Variants in MICAL2 observed in about 807,000 individuals in gnomAD.
The protein encoded by MICAL2 is microtubule associated monooxygenase, calponin and LIM domain containing 2.
Under a neutral mutation model 127.3 loss-of-function variants are expected in MICAL2, and 77 were observed. The observed-to-expected ratio is 0.60, with a 90% CI of 0.50 to 0.73. The LOEUF is 0.73. Among genes scored for constraint, MICAL2 ranks in the 30% least tolerant of loss-of-function variants. MICAL2 has a pLI of 0.00. For missense variants in MICAL2, 1,351 were observed against 1,434.4 expected (o/e 0.94, Z 0.94); for synonymous variants, 570 against 551.1 (o/e 1.03, Z -0.48).
chr11:12,136,371 C>G (rs1851837492), intron 1 of MICAL2, among the ~76,000 whole-genome samples: 1 of 152,210 alleles, frequency 6.6e-6, no homozygotes, highest in Non-Finnish European at 1.5e-5. Context: ...TGCCATGCCT[C>G]AGTTTCCCCC....
At chr11:12,145,700 C>T (rs1852825334) in intron 2 of MICAL2, among the ~76,000 whole-genome samples, 1 of 152,212 alleles carries the variant, frequency 6.6e-6, no homozygotes, top group African/African-American at 2.4e-5. Flanking sequence ...ATTTCTGACT[C>T]AGGCAGGGCT....
At chr11:12,125,211 G>T (rs928600683) in intron 1 of MICAL2, among the ~76,000 whole-genome samples, 7 of 152,344 alleles carry the variant, frequency 4.6e-5, no homozygotes, top group African/African-American at 1.7e-4. Flanking sequence ...TCACCCATGT[G>T]TTCTCCAGAA....
intron 2 of MICAL2, among the ~76,000 whole-genome samples, chr11:12,285,344 T>G (rs1371724440): frequency 6.6e-6 from 1 of 152,200 alleles, no homozygotes; most frequent in Non-Finnish European, 1.5e-5. Flanking sequence ...ATCTTGCAAC[T>G]TCCAGCTGCA....
At chr11:12,340,579 T>A (rs918433331) in intron 32 of MICAL2, among the ~76,000 whole-genome samples, 20 of 152,156 alleles carry the variant, frequency 1.3e-4, no homozygotes, top group African/African-American at 4.8e-4. Context: ...AAAAGACACA[T>A]ACAAGAATGC....
At position 12,162,215 on chromosome 11, in the gene MICAL2, C is replaced by T. The variant is rs925113260; in HGVS notation, c.60C>T (p.Val20=). The T allele has an allele frequency of 1.9e-6, 3 of 1,614,070 alleles. No homozygotes were observed. Among genetic ancestry groups the T allele is most frequent in the African/African-American group, 2.7e-5 (2 of 74,930 alleles). ...AQAGQVFENF[V]QASTCKGTLQ... The stretch of plus-strand genomic sequence containing the variant: ...CGGGGCAGGTTTTTGAGAACTTTGT[C>T]CAGGCATCCACGTGCAAAGGTACCC... Residue 20 remains valine, a synonymous_variant, in exon 3 of 28, where the codon GTC becomes GTT. Coordinates refer to ENST00000683283, the MANE Select transcript of MICAL2 (RefSeq NM_001282663.2).
chr11:12,210,220 G>A (rs1157434479), intron 6 of MICAL2, among the ~76,000 whole-genome samples: 1 of 152,126 alleles, frequency 6.6e-6, no homozygotes, highest in African/African-American at 2.4e-5. Flanking sequence ...CTGTCAGTTT[G>A]TGAGAGAAAC....
Position 12,223,371 on chromosome 11 carries a change from G to T in MICAL2, c.1450-40G>T, listed in dbSNP as rs760006089. 6 of 1,573,528 alleles carry T rather than the reference G, an allele frequency of 3.8e-6. No homozygotes were observed. The South Asian group carries it at 6.7e-5, about 17-fold the overall frequency. ...TTAGGGGCCCTGAGACTAGGATTTG[G>T]GGGAAAACTGGTGGGCAAGCATGTC... On this transcript the variant is annotated intron_variant, in intron 11 of 27. Transcript: ENST00000683283.
chr11:12,294,134 G>A, downstream of MICAL2: 1 of 1,613,924 alleles, frequency 6.2e-7, no homozygotes, highest in Non-Finnish European at 8.5e-7. Context: ...GCTCCCTAGG[G>A]CAGCAGGAGA....
At chr11:12,129,208 G>T (rs1397539726) in intron 1 of MICAL2, among the ~76,000 whole-genome samples, 1 of 152,188 alleles carries the variant, frequency 6.6e-6, no homozygotes, top group African/African-American at 2.4e-5. Flanking sequence ...GCCAAAAGAA[G>T]TGATTCTTGG....
intron 32 of MICAL2, among the ~76,000 whole-genome samples, chr11:12,344,823 T>A (rs545830689): frequency 2.4e-4 from 36 of 147,978 alleles, no homozygotes; most frequent in Non-Finnish European, 4.0e-4. Context: ...TCAAAGAAAT[T>A]GTGGACCAGG....
intron 15 of MICAL2, among the ~76,000 whole-genome samples, chr11:12,229,933 C>G (rs193143471): frequency 6.6e-6 from 1 of 152,342 alleles, no homozygotes; most frequent in African/African-American, 2.4e-5. Context: ...TCTACCCCAT[C>G]TTTGGATAGG....
intron 1 of MICAL2, among the ~76,000 whole-genome samples, chr11:12,112,840 A>C (rs1288501999): frequency 6.6e-6 from 1 of 152,178 alleles, no homozygotes; most frequent in Non-Finnish European, 1.5e-5. Context: ...GGCTGTGGCC[A>C]TTGGAGGCCC....
rs114029559 is a variant in MICAL2 at position 12,193,843 on chromosome 11, G to A, written c.265-10407G>A. Among the ~76,000 whole-genome samples, 1,000 of 152,364 alleles carry A rather than the reference G, an allele frequency of 6.6e-3. 8 individuals carry two copies. Among genetic ancestry groups the A allele is most frequent in the African/African-American group, 0.023 (957 of 41,586 alleles). On this transcript the variant is annotated intron_variant, in intron 3 of 27. Coordinates refer to ENST00000683283, the MANE Select transcript of MICAL2 (RefSeq NM_001282663.2). ...GTTTTGTTATCTGGGCTTGTTGTGA[G>A]ATTTGAATGAACTGATACATGTGAC...
intron 15 of MICAL2, among the ~76,000 whole-genome samples, chr11:12,230,987 T>C (rs868228606): frequency 6.6e-5 from 10 of 152,194 alleles, no homozygotes; most frequent in Admixed American, 2.0e-4. Flanking sequence ...GGTGAGGATC[T>C]AAAAGCCTCA....
chr11:12,225,447 T>C (rs1857295852), intron 13 of MICAL2: 1 of 152,212 alleles, frequency 6.6e-6, no homozygotes, highest in African/African-American at 2.4e-5. Context: ...GGGCTAGCAA[T>C]TGGTACTTTA....
chr11:12,141,525 T>C (rs1015061487), intron 2 of MICAL2, among the ~76,000 whole-genome samples: 8 of 152,204 alleles, frequency 5.3e-5, no homozygotes, highest in African/African-American at 1.9e-4. Context: ...CCCTGAGTTA[T>C]GCCAGAGTGC....
chr11:12,360,500 C>G (rs1939190981), downstream of MICAL2, among the ~76,000 whole-genome samples: 1 of 152,172 alleles, frequency 6.6e-6, no homozygotes, highest in African/African-American at 2.4e-5. Flanking sequence ...AGTTTTCATT[C>G]TAGAATATGC....
At chr11:12,283,181 A>C (rs892267953) in intron 2 of MICAL2, among the ~76,000 whole-genome samples, 2 of 152,174 alleles carry the variant, frequency 1.3e-5, no homozygotes, top group African/African-American at 2.4e-5. Context: ...TGGTAACCCC[A>C]TCACTTTACC....
chr11:12,153,070 A>T lies in MICAL2; in HGVS notation c.-77-9009A>T, dbSNP rs549974650. Reference sequence around the variant, plus strand: ...TTTGAGGCAGGCTCTTGTTCTAGTCACCCAGGCTGGAGTGCAGTGGCATGA... The same window carrying T: ...TTTGAGGCAGGCTCTTGTTCTAGTCTCCCAGGCTGGAGTGCAGTGGCATGA... On this transcript the variant is annotated intron_variant, in intron 2 of 27. Coordinates refer to ENST00000683283, the MANE Select transcript of MICAL2 (RefSeq NM_001282663.2). Among the ~76,000 whole-genome samples, 4 of 151,918 alleles carry T rather than the reference A, an allele frequency of 2.6e-5. No homozygotes were observed. In the East Asian group the frequency reaches 7.7e-4, roughly 29 times the overall value.
Sources: allele counts gnomAD v4.1 joint callset (sites outside exome capture counted in the v4.1 genomes callset), GRCh38; gene constraint gnomAD v4.1.1; transcripts MANE v1.5; gene names NCBI Gene and HGNC (gene_info 2026-07-23, HGNC 2026-07-21).